LRRC8C: variants seen among roughly 807,000 people sequenced by gnomAD.
The protein encoded by LRRC8C is leucine rich repeat containing 8 VRAC subunit C, also known as volume-regulated anion channel subunit LRRC8C.
A neutral mutation model predicts 55.3 loss-of-function variants in LRRC8C; 20 were observed. The ratio of observed to expected loss-of-function variants is 0.36; its 90% CI spans 0.25 to 0.53. The LOEUF is 0.53. Among genes scored for constraint, LRRC8C ranks in the 20% least tolerant of loss-of-function variants. LRRC8C has a pLI of 0.92. For synonymous variants in LRRC8C, 376 were observed against 360.7 expected (o/e 1.04, Z -0.48); for missense variants, 659 against 951.4 (o/e 0.69, Z 4.04).
At chr1:89,660,228 C>A (rs1165204487) in intron 1 of LRRC8C, among the ~76,000 whole-genome samples, 1 of 152,092 alleles carries the variant, frequency 6.6e-6, no homozygotes, top group Admixed American at 6.5e-5. Flanking sequence ...GTAAACCCTG[C>A]CTTTGATAGG....
At chr1:89,679,730 T>C (rs774348941) in intron 1 of LRRC8C, among the ~76,000 whole-genome samples, 3 of 152,232 alleles carry the variant, frequency 2.0e-5, no homozygotes, top group Non-Finnish European at 4.4e-5. Context: ...ACTGACAGGC[T>C]ACCTACCATC....
intron 2 of LRRC8C, among the ~76,000 whole-genome samples, chr1:89,705,312 T>C (rs1318304514): frequency 6.8e-6 from 1 of 146,788 alleles, no homozygotes; most frequent in East Asian, 2.1e-4. Flanking sequence ...TTGAGAGATA[T>C]ACCTAATACT....
At chr1:89,710,222 A>G (rs1351577454) in intron 2 of LRRC8C, among the ~76,000 whole-genome samples, 1 of 152,156 alleles carries the variant, frequency 6.6e-6, no homozygotes, top group Non-Finnish European at 1.5e-5. Flanking sequence ...ACAGGAAAGC[A>G]TCTGGAACAT....
intron 2 of LRRC8C, among the ~76,000 whole-genome samples, chr1:89,697,257 A>G (rs1449941758): frequency 6.6e-6 from 1 of 152,240 alleles, no homozygotes; most frequent in Non-Finnish European, 1.5e-5. Context: ...GTAAATTTCT[A>G]AAATAATCAT....
chr1:89,676,230 G>A (rs1028585548), intron 1 of LRRC8C: 6 of 152,064 alleles, frequency 3.9e-5, no homozygotes, highest in Non-Finnish European at 7.4e-5. Context: ...TTTCTTAATA[G>A]GTTCATGTTC....
At chr1:89,648,500 G>A (rs1656673887) in intron 1 of LRRC8C, among the ~76,000 whole-genome samples, 1 of 152,124 alleles carries the variant, frequency 6.6e-6, no homozygotes, top group Non-Finnish European at 1.5e-5. Flanking sequence ...ATATCTTCTA[G>A]TTTAATGCAC....
At chr1:89,693,646 C>A (rs1486626724) in intron 2 of LRRC8C, among the ~76,000 whole-genome samples, 1 of 82,702 alleles carries the variant, frequency 1.2e-5, no homozygotes, top group Non-Finnish European at 2.3e-5. Flanking sequence ...TCTTTTCTTC[C>A]TTTTTTTTTT....
At chr1:89,708,505 C>A (rs1161714043) in intron 2 of LRRC8C, 1 of 151,416 alleles carries the variant, frequency 6.6e-6, no homozygotes, top group Admixed American at 6.6e-5. Flanking sequence ...ACAGATAAAA[C>A]AAAAATTTCC....
At chr1:89,698,909 C>A (rs186084671) in intron 2 of LRRC8C, among the ~76,000 whole-genome samples, 2 of 151,540 alleles carry the variant, frequency 1.3e-5, no homozygotes, top group East Asian at 3.9e-4. Flanking sequence ...ATTTCCTGGC[C>A]ATGATATAAA....
chr1:89,638,569 A>G (rs1391764033), intron 1 of LRRC8C, among the ~76,000 whole-genome samples: 1 of 152,188 alleles, frequency 6.6e-6, no homozygotes. Flanking sequence ...CATGAAAAAT[A>G]GTCAACATAT....
chr1:89,648,219 C>A (rs573555861), intron 1 of LRRC8C, among the ~76,000 whole-genome samples: 1 of 152,076 alleles, frequency 6.6e-6, no homozygotes, highest in African/African-American at 2.4e-5. Flanking sequence ...TCATTGAATT[C>A]CTAATTTTAA....
chr1:89,696,795 C>T (rs143426027), intron 2 of LRRC8C, among the ~76,000 whole-genome samples: 1 of 152,164 alleles, frequency 6.6e-6, no homozygotes, highest in African/African-American at 2.4e-5. Context: ...AGCCCTCTTT[C>T]ACCTAGAAAG....
chr1:89,711,702 C>G (rs1658653450), intron 2 of LRRC8C, among the ~76,000 whole-genome samples: 1 of 152,174 alleles, frequency 6.6e-6, no homozygotes, highest in South Asian at 2.1e-4. Context: ...TTTGAGTCTG[C>G]TGGACATTCT....
the LRRC8C span, among the ~76,000 whole-genome samples, chr1:89,627,894 C>T: frequency 6.6e-6 from 1 of 152,226 alleles, no homozygotes; most frequent in South Asian, 2.1e-4. Flanking sequence ...TTTCTGAACA[C>T]TGACATAAGG....
chr1:89,664,441 C>A (rs747886815), intron 1 of LRRC8C, among the ~76,000 whole-genome samples: 1 of 152,140 alleles, frequency 6.6e-6, no homozygotes, highest in Non-Finnish European at 1.5e-5. Context: ...TGTCAAAGAT[C>A]AGATGGTTGT....
At chr1:89,620,391 T>A in the LRRC8C span, among the ~76,000 whole-genome samples, 1 of 152,064 alleles carries the variant, frequency 6.6e-6, no homozygotes, top group East Asian at 1.9e-4. Context: ...GAATTTGAAG[T>A]GAACATTTAA....
intron 1 of LRRC8C, among the ~76,000 whole-genome samples, chr1:89,642,844 C>T (rs1490345399): frequency 6.8e-5 from 6 of 88,126 alleles, no homozygotes; most frequent in Non-Finnish European, 1.3e-4. Flanking sequence ...AAGACTCCAT[C>T]TCAAAAAAAA....
chr1:89,666,406 A>AAGTATC (rs1451896651), intron 1 of LRRC8C, among the ~76,000 whole-genome samples: 2 of 151,928 alleles, frequency 1.3e-5, no homozygotes, highest in Non-Finnish European at 2.9e-5. Flanking sequence ...CTAGAACTTT[A>AAGTATC]ACAAAAATAT....
intron 2 of LRRC8C, among the ~76,000 whole-genome samples, chr1:89,699,759 C>A (rs1658268837): frequency 6.6e-6 from 1 of 152,174 alleles, no homozygotes; most frequent in Non-Finnish European, 1.5e-5. Flanking sequence ...TTATAGTCAA[C>A]ATAATGCACA....
Sources: allele counts gnomAD v4.1 joint callset (sites outside exome capture counted in the v4.1 genomes callset), GRCh38; gene constraint gnomAD v4.1.1; transcripts MANE v1.5; gene names NCBI Gene and HGNC (gene_info 2026-07-23, HGNC 2026-07-21).